Variants in PXDN observed in about 807,000 individuals in gnomAD.
PXDN encodes peroxidasin homolog.
PXDN carries 77 observed loss-of-function variants against 140.3 expected under a neutral mutation model. The observed-to-expected ratio is 0.55, with a 90% CI of 0.46 to 0.66. The LOEUF (loss-of-function observed/expected upper bound fraction) is 0.66. Among genes scored for constraint, PXDN ranks in the 30% least tolerant of loss-of-function variants. The probability of loss-of-function intolerance (pLI) is 0.00; values close to 1 mark genes in which losing one functional copy is unlikely to be tolerated. For synonymous variants in PXDN, 911 were observed against 857.4 expected (o/e 1.06, Z -1.09); for missense variants, 1,838 against 2,039.5 (o/e 0.90, Z 1.90).
chr2:1,739,085 C>G (rs1444442135), intron 1 of PXDN, among the ~76,000 whole-genome samples: 2 of 152,132 alleles, frequency 1.3e-5, no homozygotes, highest in Non-Finnish European at 2.9e-5. Flanking sequence ...TCCATGGCCC[C>G]GGAAGGTAGT....
intron 12 of PXDN, among the ~76,000 whole-genome samples, chr2:1,663,198 T>A (rs1683346600): frequency 6.6e-6 from 1 of 152,160 alleles, no homozygotes; most frequent in Non-Finnish European, 1.5e-5. Context: ...TTTGGCCTCA[T>A]GATACATCAT....
intron 8 of PXDN, chr2:1,676,719 G>A: frequency 3.2e-6 from 2 of 618,900 alleles, no homozygotes; most frequent in Non-Finnish European, 2.9e-6. Context: ...GAGAGAGTGG[G>A]GAAGGGGCCC....
At chr2:1,662,300 T>C (rs1302267101) in intron 12 of PXDN, 116 bp from the exon 13 acceptor site, 1 of 889,642 alleles carries the variant, frequency 1.1e-6, no homozygotes, top group East Asian at 2.7e-5. Flanking sequence ...GAGCTCACAG[T>C]CAGTTTCAGA....
At chr2:1,736,825 C>T (rs1193192874) in intron 1 of PXDN, among the ~76,000 whole-genome samples, 1 of 152,142 alleles carries the variant, frequency 6.6e-6, no homozygotes, top group Non-Finnish European at 1.5e-5. Flanking sequence ...AGTATGTGCC[C>T]TTTTAAAATG....
At chr2:1,642,212 C>T (rs73178775) in intron 19 of PXDN, among the ~76,000 whole-genome samples, 1 of 151,846 alleles carries the variant, frequency 6.6e-6, no homozygotes, top group Non-Finnish European at 1.5e-5. Flanking sequence ...CACACACCCC[C>T]CACACACCCC....
chr2:1,701,577 C>T (rs1348363461), intron 1 of PXDN, among the ~76,000 whole-genome samples: 5 of 151,896 alleles, frequency 3.3e-5, no homozygotes, highest in Non-Finnish European at 7.4e-5. Context: ...GAAGGGGAGC[C>T]GCAGAGAAGC....
At chr2:1,658,083 T>TCCCTCCCC (rs1212656970) in intron 14 of PXDN, among the ~76,000 whole-genome samples, 2 of 77,700 alleles carry the variant, frequency 2.6e-5, no homozygotes, top group African/African-American at 1.1e-4. Context: ...TCTCTCTCTC[T>TCCCTCCCC]CTCTCTCTCT....
chr2:1,643,882 C>G (rs937499764), intron 18 of PXDN, among the ~76,000 whole-genome samples: 2 of 151,864 alleles, frequency 1.3e-5, no homozygotes, highest in Non-Finnish European at 2.9e-5. Flanking sequence ...ACCATCCTGG[C>G]TAACACAGTG....
intron 14 of PXDN, among the ~76,000 whole-genome samples, chr2:1,658,222 G>C (rs900999003): frequency 6.6e-6 from 1 of 151,600 alleles, no homozygotes; most frequent in Non-Finnish European, 1.5e-5. Flanking sequence ...CTCCCTGTGT[G>C]GTTCCACTTC....
In PXDN at chr2:1,687,901, C is replaced by T. The variant is rs1684098214; in HGVS notation, c.345-198G>A. Among the ~76,000 whole-genome samples, 1 of 152,202 alleles carries T rather than the reference C, an allele frequency of 6.6e-6. No individual in the cohort carries two copies. Among genetic ancestry groups the T allele is most frequent in the African/African-American group, 2.4e-5 (1 of 41,454 alleles). On this transcript the variant is annotated intron_variant, in intron 3 of 22. Coordinates refer to ENST00000252804, the MANE Select transcript of PXDN (RefSeq NM_012293.3). This position sits in a 1 kb window ranked among gnomAD's most constrained non-coding sequence, Gnocchi z 4.0. ...CCTCAGATCTCAAGGGGGCTAAAAG[C>T]AACCGGTGCCAACTGAAGGTGATCA...
In PXDN at chr2:1,687,594, C is replaced by T; in HGVS notation, c.416+38G>A. ...CTACAAGAGGAAAACAGCCAGACGG[C>T]ATCCAAGAACTAAAGCACGAAGAGA... On this transcript the variant is annotated intron_variant, in intron 4 of 22. Transcript: ENST00000252804. This position sits in a 1 kb window ranked among gnomAD's most constrained non-coding sequence, Gnocchi z 4.0. 1 of 1,431,958 alleles carries T rather than the reference C, an allele frequency of 7.0e-7. No homozygotes were observed. The highest frequency in any genetic ancestry group is 1.3e-5 in the South Asian group (1 of 78,546). 88.7% of individuals were successfully genotyped at this position (1,431,958 alleles called of 1,614,324 possible).
rs1300491966 is a variant in PXDN, at chr2:1,634,020, C to A, written c.*184G>T. On this transcript the variant is annotated 3_prime_UTR_variant, in exon 23 of 23. Coordinates refer to ENST00000252804, the MANE Select transcript of PXDN (RefSeq NM_012293.3). ...TCCCTTCAGGCACCTGCTGTGCCTC[C>A]TTCTCCGCAGATGCTCTGGTTGGAA... The A allele has an allele frequency of 2.4e-6, 2 of 839,362 alleles. No homozygotes were observed. Among genetic ancestry groups the A allele is most frequent in the East Asian group, 2.9e-5 (1 of 34,588 alleles). 52.0% of individuals were successfully genotyped at this position (839,362 alleles called of 1,614,324 possible).
chr2:1,673,959 G>A, intron 8 of PXDN, 147 bp from the exon 9 acceptor site: 2 of 786,544 alleles, frequency 2.5e-6, no homozygotes, highest in Non-Finnish European at 4.0e-6. Context: ...CTTCCTGGCA[G>A]CCCTGACCTA....
chr2:1,737,146 G>A (rs959915536), intron 1 of PXDN, among the ~76,000 whole-genome samples: 1 of 152,204 alleles, frequency 6.6e-6, no homozygotes, highest in African/African-American at 2.4e-5. Flanking sequence ...AGATGACGCA[G>A]GAGGCAGTCA....
chr2:1,729,319 G>A (rs1035681822), intron 1 of PXDN, among the ~76,000 whole-genome samples: 2 of 152,082 alleles, frequency 1.3e-5, no homozygotes, highest in South Asian at 4.1e-4. Context: ...GGTCAGAGAC[G>A]GTGCCTTCAG....
At chr2:1,729,745 C>T (rs1044133303) in intron 1 of PXDN, among the ~76,000 whole-genome samples, 5 of 152,050 alleles carry the variant, frequency 3.3e-5, no homozygotes, top group Admixed American at 1.3e-4. Context: ...AGAAATGTGC[C>T]GTAAAAACAA....
At chr2:1,637,700 C>T (rs1682602532) in intron 21 of PXDN, among the ~76,000 whole-genome samples, 1 of 131,114 alleles carries the variant, frequency 7.6e-6, no homozygotes. Context: ...ACACGCTGTC[C>T]ACTCTGACAG....
chr2:1,712,668 A>G (rs10186365), intron 1 of PXDN, among the ~76,000 whole-genome samples: 8,953 of 152,248 alleles, frequency 0.059, 872 homozygotes, highest in African/African-American at 0.2. Flanking sequence ...CAGCAGCAGA[A>G]CTAAAATGAA....
chr2:1,711,312 C>CCA (rs1288305636), intron 1 of PXDN, among the ~76,000 whole-genome samples: 4 of 74,312 alleles, frequency 5.4e-5, no homozygotes, highest in African/African-American at 5.0e-5. Flanking sequence ...CCACCAGCAC[C>CCA]CGCTCCACCA....
Sources: gnomAD v4.1 joint callset for allele counts (sites outside exome capture counted in the v4.1 genomes callset) on GRCh38, gnomAD v4.1.1 for gene constraint, Gnocchi (gnomAD v3.1) non-coding constraint, MANE v1.5 for transcripts, NCBI Gene and HGNC (gene_info 2026-07-23, HGNC 2026-07-21) for gene names.